The following KDM5B variants were observed in gnomAD, a reference collection of about 807,000 sequenced individuals.
The protein encoded by KDM5B is lysine demethylase 5B.
KDM5B carries 144 observed loss-of-function variants against 193.4 expected under a neutral mutation model. The observed-to-expected ratio is 0.74, with a 90% CI of 0.65 to 0.86. The LOEUF is 0.86. Ranked by LOEUF, KDM5B falls within the 40% of genes least tolerant of loss-of-function variation. KDM5B has a pLI of 0.00. For missense variants in KDM5B, 1,833 were observed against 1,886.9 expected (o/e 0.97, Z 0.53); for synonymous variants, 668 against 682.6 (o/e 0.98, Z 0.33).
chr1:202,792,718 G>A (rs564542305), intron 1 of KDM5B, among the ~76,000 whole-genome samples: 48 of 152,284 alleles, frequency 3.2e-4, no homozygotes, highest in East Asian at 1.9e-3. Context: ...ACTGTAGGCC[G>A]GGCACAGTGG....
intron 1 of KDM5B, among the ~76,000 whole-genome samples, chr1:202,803,593 G>A (rs575906469): frequency 2.6e-5 from 4 of 152,078 alleles, no homozygotes; most frequent in African/African-American, 9.6e-5. Flanking sequence ...GGAGGCCGAG[G>A]TGGGTGGATC....
At chr1:202,785,970 G>A (rs932144185) in intron 1 of KDM5B, among the ~76,000 whole-genome samples, 5 of 150,528 alleles carry the variant, frequency 3.3e-5, no homozygotes, top group African/African-American at 9.8e-5. Context: ...CAAAGCTTTC[G>A]TTTCCAAGTG....
Position 202,749,086 on chromosome 1 carries a change from A to G in KDM5B, c.1875T>C (p.Cys625=). The G allele has an allele frequency of 6.2e-7, 1 of 1,614,152 alleles. No homozygotes were observed. Among genetic ancestry groups the G allele is most frequent in the East Asian group, 2.2e-5 (1 of 44,880 alleles). Residue 625 remains cysteine, a synonymous_variant, in exon 14 of 27, where the codon TGT becomes TGC. Coordinates refer to ENST00000367265, the MANE Select transcript of KDM5B (RefSeq NM_006618.5). ...VEHYRLLHRY[C]VFSHDEMICK... is the part of the protein sequence containing the mutation. ...AGATCATCTCATCGTGGGAAAACACACAATATCGATGAAGCAAGCGATAAT... is the reference window on the plus strand; with the variant it reads ...AGATCATCTCATCGTGGGAAAACACGCAATATCGATGAAGCAAGCGATAAT...
intron 1 of KDM5B, among the ~76,000 whole-genome samples, chr1:202,789,755 C>G (rs964250872): frequency 3.3e-5 from 5 of 150,586 alleles, no homozygotes; most frequent in African/African-American, 9.7e-5. Flanking sequence ...TTAAGACAGA[C>G]AGAGAGAGAG....
rs752945755 is a variant in KDM5B, at chr1:202,735,538, T to C, written c.3314A>G (p.Gln1105Arg). The C allele has an allele frequency of 1.2e-6, 2 of 1,613,976 alleles. No individual in the cohort carries two copies. Among genetic ancestry groups the C allele is most frequent in the African/African-American group, 1.3e-5 (1 of 74,924 alleles). ...DIGLLGLKRK[Q>R]RKLKEPLPNG... is the part of the protein sequence containing the mutation. ...TGGCAAGGGCTCCTTTAACTTTCTC[T>C]GCTTCCTTTTCAATCCCAAAAGGCC... The change falls in exon 22 of 27, where the codon CAG (glutamine) becomes CGG (arginine). Residue 1105 changes from glutamine to arginine, a missense_variant. This residue lies in a region of KDM5B where 1,379 missense variants were observed against 1,349.6 expected (regional missense o/e 1.02). Coordinates refer to ENST00000367265, the MANE Select transcript of KDM5B (RefSeq NM_006618.5).
intron 4 of KDM5B, among the ~76,000 whole-genome samples, chr1:202,769,193 C>G (rs924566878): frequency 4.6e-5 from 7 of 150,982 alleles, no homozygotes; most frequent in Admixed American, 6.6e-5. Flanking sequence ...CCTGCCACCA[C>G]ACCCAGCTAT....
intron 1 of KDM5B, among the ~76,000 whole-genome samples, chr1:202,791,658 C>T (rs1270642990): frequency 6.6e-6 from 1 of 152,112 alleles, no homozygotes; most frequent in Non-Finnish European, 1.5e-5. Context: ...ACTTCTATTC[C>T]TTGCATACGT....
intron 14 of KDM5B, among the ~76,000 whole-genome samples, chr1:202,747,563 TA>T (rs1655607311): frequency 8.1e-6 from 1 of 123,188 alleles, no homozygotes; most frequent in Non-Finnish European, 1.7e-5. Flanking sequence ...AAAAGGCACA[TA>T]TTTTTAAAAA....
At chr1:202,762,445 A>C (rs879144847) in intron 7 of KDM5B, among the ~76,000 whole-genome samples, 1 of 152,214 alleles carries the variant, frequency 6.6e-6, no homozygotes, top group Admixed American at 6.5e-5. Context: ...TGCTAAACTG[A>C]ATGTATTCCA....
At chr1:202,766,718 T>C (rs1656478280) in intron 5 of KDM5B, among the ~76,000 whole-genome samples, 1 of 152,140 alleles carries the variant, frequency 6.6e-6, no homozygotes, top group South Asian at 2.1e-4. Context: ...CCAGGCAGCA[T>C]AAATTTAGAA....
chr1:202,784,267 C>G (rs978049971), intron 1 of KDM5B, among the ~76,000 whole-genome samples: 23 of 152,120 alleles, frequency 1.5e-4, no homozygotes, highest in African/African-American at 5.1e-4. Flanking sequence ...AAAGTATATG[C>G]TCTACAGAGG....
At chr1:202,774,568 G>T in intron 3 of KDM5B, 45 bp downstream of exon 3, 1 of 1,557,446 alleles carries the variant, frequency 6.4e-7, no homozygotes, top group East Asian at 2.3e-5. Context: ...AATTCATTCT[G>T]TCAGTAAGAT....
At chr1:202,729,320 G>T in intron 26 of KDM5B, 147 bp from the exon 27 acceptor site, 1 of 804,218 alleles carries the variant, frequency 1.2e-6, no homozygotes, top group Non-Finnish European at 2.0e-6. Context: ...TAAGCCAAAT[G>T]AGTGTAGCTG....
At chr1:202,797,254 GC>G (rs1053640167) in intron 1 of KDM5B, among the ~76,000 whole-genome samples, 1 of 152,012 alleles carries the variant, frequency 6.6e-6, no homozygotes, top group Non-Finnish European at 1.5e-5. Flanking sequence ...CCTCTGGGCA[GC>G]CCAGGCCATC....
chr1:202,744,255 T>G (rs1454699593), intron 16 of KDM5B, among the ~76,000 whole-genome samples: 1 of 152,026 alleles, frequency 6.6e-6, no homozygotes, highest in Non-Finnish European at 1.5e-5. Context: ...ATTAGAGAAA[T>G]GCAAATCAAA....
At chr1:202,802,387 T>TTTG (rs368446576) in intron 1 of KDM5B, among the ~76,000 whole-genome samples, 51 of 151,880 alleles carry the variant, frequency 3.4e-4, no homozygotes, top group East Asian at 2.3e-3. Context: ...GTTGTTGTTG[T>TTTG]TTGTTGTTGT....
chr1:202,728,758 A>C lies in KDM5B; in HGVS notation c.*278T>G, dbSNP rs961310174. On this transcript the variant is annotated 3_prime_UTR_variant, in exon 27 of 27. Coordinates refer to ENST00000367265, the MANE Select transcript of KDM5B (RefSeq NM_006618.5). Reference sequence around the variant, plus strand: ...AAGGTGCAAGCTTCAATGCCTTCCAAATTGGTGGGAACCCCTGCAAAAAAA... The same window carrying C: ...AAGGTGCAAGCTTCAATGCCTTCCACATTGGTGGGAACCCCTGCAAAAAAA... 3.1e-6 allele frequency: 1 copy of C among 327,138 alleles called. No homozygotes were observed. The highest frequency in any genetic ancestry group is 2.1e-5 in the African/African-American group (1 of 47,638). The allele number at this position is 327,138 out of a possible 1,614,324, so 20.3% of individuals were successfully genotyped here. A position where few individuals can be genotyped will look rare whatever the true frequency, so the allele number is the denominator to read the frequency against.
intron 1 of KDM5B, among the ~76,000 whole-genome samples, chr1:202,777,351 TAA>T (rs147335949): frequency 0.14 from 18,207 of 128,356 alleles, 1,277 homozygotes; most frequent in East Asian, 0.25. Flanking sequence ...ATTGAGCCTG[TAA>T]AAAAAAAAAA....
chr1:202,805,861 T>C (rs1658268847), intron 1 of KDM5B, among the ~76,000 whole-genome samples: 1 of 152,188 alleles, frequency 6.6e-6, no homozygotes, highest in East Asian at 1.9e-4. Flanking sequence ...CTCAAACTCT[T>C]TCCATTTGGC....
Sources: gnomAD v4.1 joint callset for allele counts (sites outside exome capture counted in the v4.1 genomes callset) on GRCh38, gnomAD v4.1.1 for gene constraint, gnomAD v4.1.1 regional missense constraint, MANE v1.5 for transcripts, NCBI Gene and HGNC (gene_info 2026-07-23, HGNC 2026-07-21) for gene names.